Variants in XPR1 observed in about 807,000 individuals in gnomAD.
The protein encoded by XPR1 is solute carrier family 53 member 1.
A neutral mutation model predicts 87.5 loss-of-function variants in XPR1; 28 were observed. That is an observed-to-expected ratio of 0.32 (90% CI 0.24 to 0.44). XPR1 has a LOEUF of 0.44. Among genes scored for constraint, XPR1 ranks in the 20% least tolerant of loss-of-function variants. XPR1 has a pLI of 1.00. For missense variants in XPR1, 559 were observed against 862.3 expected (o/e 0.65, Z 4.41); for synonymous variants, 300 against 306.1 (o/e 0.98, Z 0.21).
rs955326482 is a variant in XPR1 at position 180,885,391 on chromosome 1, T to G, written c.*1325T>G. 2 of 152,604 alleles carry G rather than the reference T, an allele frequency of 1.3e-5. No homozygotes were observed. The highest frequency in any genetic ancestry group is 4.8e-5 in the African/African-American group (2 of 41,566). 9.5% of individuals were successfully genotyped at this position (152,604 alleles called of 1,614,324 possible). A position where few individuals can be genotyped will look rare whatever the true frequency, so the allele number is the denominator to read the frequency against. On this transcript the variant is annotated 3_prime_UTR_variant, in exon 15 of 15. Transcript: ENST00000367590. The stretch of plus-strand genomic sequence containing the variant: ...GTTTTAAAATTTTAGGGATCTTTAC[T>G]TGGTCATACATGAAAAGTACACTGC...
Position 180,651,689 on chromosome 1 carries a change from A to G in XPR1, c.69+19419A>G, listed in dbSNP as rs189782786. 3.0e-3 allele frequency among the ~76,000 whole-genome samples: 459 copies of G among 152,304 alleles called. 3 individuals are homozygous for G. Among genetic ancestry groups the G allele is most frequent in the Admixed American group, 3.5e-3 (54 of 15,296 alleles). On this transcript the variant is annotated intron_variant, in intron 1 of 14. Coordinates refer to ENST00000367590, the MANE Select transcript of XPR1 (RefSeq NM_004736.4). ...GTGTATTAGCCTGCAGATAATGCCT[A>G]GTTTATTAAGGGCTTATAATATTTA...
chr1:180,813,199 C>A (rs1271977369), intron 7 of XPR1, among the ~76,000 whole-genome samples: 3 of 151,166 alleles, frequency 2.0e-5, no homozygotes, highest in Admixed American at 6.6e-5. Context: ...ATCTTCCCCC[C>A]ACACTTAGCT....
At chr1:180,735,541 A>G (rs565940942) in intron 2 of XPR1, among the ~76,000 whole-genome samples, 10 of 152,226 alleles carry the variant, frequency 6.6e-5, no homozygotes, top group South Asian at 4.1e-4. Flanking sequence ...TTTGTGTACA[A>G]TCATTAAATT....
chr1:180,724,038 C>T (rs1658259200), intron 2 of XPR1, among the ~76,000 whole-genome samples: 1 of 151,758 alleles, frequency 6.6e-6, no homozygotes, highest in Admixed American at 6.6e-5. Context: ...AATAAAAAAC[C>T]AGAATTACAT....
intron 7 of XPR1, among the ~76,000 whole-genome samples, chr1:180,815,919 A>G (rs1007983476): frequency 1.3e-5 from 2 of 152,174 alleles, no homozygotes; most frequent in African/African-American, 2.4e-5. Flanking sequence ...TTATCCTACA[A>G]ACATACTTGT....
At chr1:180,760,351 A>T (rs1486245828) in intron 2 of XPR1, among the ~76,000 whole-genome samples, 3 of 152,210 alleles carry the variant, frequency 2.0e-5, no homozygotes, top group South Asian at 2.1e-4. Context: ...ACATGATTGT[A>T]TATCTAGAAA....
At chr1:180,789,541 A>G (rs963230506) in intron 3 of XPR1, among the ~76,000 whole-genome samples, 9 of 151,860 alleles carry the variant, frequency 5.9e-5, no homozygotes, top group Non-Finnish European at 2.9e-5. Flanking sequence ...ATTTCAGTTT[A>G]TCATACATGT....
chr1:180,751,920 A>G (rs1414763074), intron 2 of XPR1, among the ~76,000 whole-genome samples: 2 of 152,162 alleles, frequency 1.3e-5, no homozygotes, highest in Admixed American at 1.3e-4. Flanking sequence ...TCAAGGAGGA[A>G]GGAGAAAGGA....
At chr1:180,832,404 T>C (rs540946432) in intron 9 of XPR1, among the ~76,000 whole-genome samples, 23 of 152,340 alleles carry the variant, frequency 1.5e-4, no homozygotes, top group African/African-American at 5.1e-4. Flanking sequence ...TTAGATCCCA[T>C]TTGTCAATTT....
intron 2 of XPR1, among the ~76,000 whole-genome samples, chr1:180,756,483 T>C (rs939611180): frequency 1.3e-5 from 2 of 152,208 alleles, no homozygotes; most frequent in Admixed American, 6.5e-5. Flanking sequence ...TAAAATTGTG[T>C]AGTCTTTATA....
intron 2 of XPR1, among the ~76,000 whole-genome samples, chr1:180,756,678 A>G (rs1476514352): frequency 6.6e-6 from 1 of 152,018 alleles, no homozygotes; most frequent in African/African-American, 2.4e-5. Context: ...TTTTAATGTC[A>G]TATGTAAGAG....
At chr1:180,643,154 A>T (rs1655010323) in intron 1 of XPR1, among the ~76,000 whole-genome samples, 1 of 152,112 alleles carries the variant, frequency 6.6e-6, no homozygotes, top group South Asian at 2.1e-4. Context: ...GGTTAGTTCA[A>T]AGTGAGGTGT....
chr1:180,845,241 G>C (rs1361307793), intron 11 of XPR1, among the ~76,000 whole-genome samples: 1 of 152,176 alleles, frequency 6.6e-6, no homozygotes, highest in East Asian at 1.9e-4. Flanking sequence ...GTATAAATTT[G>C]TAAGCAATTT....
chr1:180,636,238 G>C (rs569498978), intron 1 of XPR1, among the ~76,000 whole-genome samples: 3 of 152,310 alleles, frequency 2.0e-5, no homozygotes, highest in Admixed American at 6.5e-5. Context: ...GATTAGGTAG[G>C]TTTAACTTGA....
At chr1:180,639,844 A>G (rs763795428) in intron 1 of XPR1, among the ~76,000 whole-genome samples, 5 of 152,182 alleles carry the variant, frequency 3.3e-5, no homozygotes, top group Admixed American at 6.5e-5. Context: ...ATGGAAGAGG[A>G]TAAAGGAGTT....
At chr1:180,866,653 T>G (rs1284779061) in intron 12 of XPR1, among the ~76,000 whole-genome samples, 1 of 152,186 alleles carries the variant, frequency 6.6e-6, no homozygotes, top group Non-Finnish European at 1.5e-5. Context: ...ATCACTATAT[T>G]GCGAGGAAGG....
chr1:180,836,292 G>T (rs1274259840), intron 10 of XPR1, among the ~76,000 whole-genome samples: 1 of 151,986 alleles, frequency 6.6e-6, no homozygotes, highest in East Asian at 1.9e-4. Flanking sequence ...GGGAGGCAGA[G>T]GTTGCAGTGA....
intron 6 of XPR1, among the ~76,000 whole-genome samples, chr1:180,807,298 G>A (rs2102124528): frequency 6.6e-6 from 1 of 152,296 alleles, no homozygotes; most frequent in Admixed American, 6.5e-5. Flanking sequence ...GTGACTTGAT[G>A]ATCTATGTAG....
At chr1:180,805,994 G>A (rs1180594293) in intron 4 of XPR1, 68 bp from the exon 5 acceptor site, 8 of 1,545,480 alleles carry the variant, frequency 5.2e-6, no homozygotes, top group Non-Finnish European at 7.0e-6. Flanking sequence ...AGTGCTTAGT[G>A]CTTATTCTTT....
Sources: gnomAD v4.1 joint callset for allele counts (sites outside exome capture counted in the v4.1 genomes callset) on GRCh38, gnomAD v4.1.1 for gene constraint, MANE v1.5 for transcripts, NCBI Gene and HGNC (gene_info 2026-07-23, HGNC 2026-07-21) for gene names.